Variants in C8orf34 observed in about 807,000 individuals in gnomAD.
C8orf34 encodes the protein chromosome 8 open reading frame 34, also known as uncharacterized protein C8orf34.
C8orf34 carries 65 observed loss-of-function variants against 68.3 expected under a neutral mutation model. That is an observed-to-expected ratio of 0.95 (90% CI 0.78 to 1.17). The LOEUF (loss-of-function observed/expected upper bound fraction) is 1.17. Among genes scored for constraint, C8orf34 ranks in the 50% most tolerant of loss-of-function variants. The probability of loss-of-function intolerance (pLI) is 0.00; values close to 1 mark genes in which losing one functional copy is unlikely to be tolerated. For synonymous variants in C8orf34, 244 were observed against 241.2 expected, an observed-to-expected ratio of 1.01 and a Z score of -0.11; for missense variants, 664 against 655.4, an observed-to-expected ratio of 1.01 and a Z score of -0.14.
At position 68,580,816 on chromosome 8, in the gene C8orf34, G is replaced by A. The variant is rs530562417; in HGVS notation, c.1105+47667G>A. On this transcript the variant is annotated intron_variant, in intron 7 of 13. Transcript: ENST00000518698. Reference sequence around the variant, plus strand: ...AGTGAAAAGATGCTGATTTTCTCATGATGGCAGTTCCCTATACCCTAGGAT... The same window carrying A: ...AGTGAAAAGATGCTGATTTTCTCATAATGGCAGTTCCCTATACCCTAGGAT... Among the ~76,000 whole-genome samples, 7 of 152,238 alleles carry A rather than the reference G, an allele frequency of 4.6e-5. No individual in the cohort carries two copies. The East Asian group carries it at 1.4e-3, about 29-fold the overall frequency.
rs145906961 is a variant in C8orf34 at position 68,471,824 on chromosome 8, T to C, written c.736+3004T>C. On this transcript the variant is annotated intron_variant, in intron 4 of 13. Transcript: ENST00000518698. ...AAAAAAATCCTACATGTTTTAGAAG[T>C]ATTATTTTTTTAGTTGAGATTGACA... 5.3e-4 allele frequency among the ~76,000 whole-genome samples: 81 copies of C among 152,150 alleles called. 2 individuals are homozygous for C. The East Asian group carries it at 0.015, about 29-fold the overall frequency.
At chr8:68,485,906 T>C (rs1047511442) in intron 4 of C8orf34, among the ~76,000 whole-genome samples, 14 of 151,990 alleles carry the variant, frequency 9.2e-5, no homozygotes, top group African/African-American at 3.4e-4. Context: ...CTAAGCTCTT[T>C]AAAATTTTAT....
intron 2 of C8orf34, 99 bp downstream of exon 2, chr8:68,439,745 T>A: frequency 1.6e-6 from 2 of 1,230,926 alleles, no homozygotes; most frequent in Non-Finnish European, 2.2e-6. Flanking sequence ...GATAGATAGT[T>A]ACCAAAGGTT....
intron 10 of C8orf34, among the ~76,000 whole-genome samples, chr8:68,747,044 G>C (rs1157131419): frequency 4.0e-5 from 6 of 150,154 alleles, no homozygotes; most frequent in African/African-American, 9.7e-5. Flanking sequence ...CCATGATCAA[G>C]TGGGCTTCAT....
intron 4 of C8orf34, among the ~76,000 whole-genome samples, chr8:68,469,537 T>C (rs1812290377): frequency 6.6e-6 from 1 of 152,080 alleles, no homozygotes; most frequent in Admixed American, 6.6e-5. Context: ...ATTATTTTGG[T>C]TTAATAAATT....
At chr8:68,394,384 C>T (rs1384384473) in intron 1 of C8orf34, among the ~76,000 whole-genome samples, 1 of 151,592 alleles carries the variant, frequency 6.6e-6, no homozygotes, top group East Asian at 2.0e-4. Context: ...TGATGATTTC[C>T]AATTTCATCC....
At chr8:68,444,612 C>A (rs1308567163) in intron 2 of C8orf34, among the ~76,000 whole-genome samples, 2 of 152,020 alleles carry the variant, frequency 1.3e-5, no homozygotes, top group Admixed American at 6.5e-5. Flanking sequence ...GGATTCTTTT[C>A]AAAATTTTAG....
At chr8:68,464,686 A>G (rs1240069036) in intron 3 of C8orf34, among the ~76,000 whole-genome samples, 3 of 151,628 alleles carry the variant, frequency 2.0e-5, no homozygotes, top group Admixed American at 2.0e-4. Flanking sequence ...CCTGAGAAAA[A>G]CAAGCAATGG....
chr8:68,367,931 A>AAAAAAAG (rs1235274193), intron 1 of C8orf34, among the ~76,000 whole-genome samples: 2 of 145,618 alleles, frequency 1.4e-5, no homozygotes, highest in Non-Finnish European at 3.0e-5. Flanking sequence ...AAAAAAAAAA[A>AAAAAAAG]AAAAAAGAAA....
At chr8:68,715,554 A>C (rs906249087) in intron 9 of C8orf34, among the ~76,000 whole-genome samples, 1 of 152,112 alleles carries the variant, frequency 6.6e-6, no homozygotes, top group East Asian at 1.9e-4. Flanking sequence ...AGGGAAATGC[A>C]AATAGAAACC....
At chr8:68,516,229 T>C (rs148818664) in intron 5 of C8orf34, among the ~76,000 whole-genome samples, 1 of 152,370 alleles carries the variant, frequency 6.6e-6, no homozygotes, top group African/African-American at 2.4e-5. Flanking sequence ...GACGTAGAGA[T>C]ACTTCGTAAT....
intron 10 of C8orf34, among the ~76,000 whole-genome samples, chr8:68,766,812 C>A (rs1378090280): frequency 6.6e-6 from 1 of 152,080 alleles, no homozygotes; most frequent in Non-Finnish European, 1.5e-5. Flanking sequence ...CAAGATTAAA[C>A]ACAAATAGTG....
chr8:68,575,931 G>A (rs571638565), intron 7 of C8orf34, among the ~76,000 whole-genome samples: 3 of 146,844 alleles, frequency 2.0e-5, no homozygotes, highest in African/African-American at 7.5e-5. Flanking sequence ...GGTATGATGA[G>A]CTGACATAAT....
chr8:68,440,231 G>A (rs1810843802), intron 2 of C8orf34, among the ~76,000 whole-genome samples: 1 of 152,148 alleles, frequency 6.6e-6, no homozygotes, highest in African/African-American at 2.4e-5. Context: ...TTACACATTG[G>A]TCTGTTAGTT....
chr8:68,519,848 T>C (rs1814676024), intron 5 of C8orf34, among the ~76,000 whole-genome samples: 1 of 152,196 alleles, frequency 6.6e-6, no homozygotes, highest in African/African-American at 2.4e-5. Context: ...ATTCAAGGAA[T>C]AAGTAACATT....
chr8:68,475,776 C>T (rs1812587690), intron 4 of C8orf34, among the ~76,000 whole-genome samples: 1 of 152,202 alleles, frequency 6.6e-6, no homozygotes, highest in Non-Finnish European at 1.5e-5. Flanking sequence ...GGCAGGGTTT[C>T]CAGTGTTCTC....
chr8:68,476,876 G>A (rs1812641665), intron 4 of C8orf34, among the ~76,000 whole-genome samples: 1 of 152,192 alleles, frequency 6.6e-6, no homozygotes, highest in South Asian at 2.1e-4. Flanking sequence ...CTTAAAGTCT[G>A]CAGTTGCTTA....
At chr8:68,525,822 G>A (rs1430308556) in intron 6 of C8orf34, 8 of 484,018 alleles carry the variant, frequency 1.7e-5, no homozygotes, top group Non-Finnish European at 2.7e-5. Flanking sequence ...CTGGAGCATG[G>A]CTTGATAAGA....
intron 1 of C8orf34, among the ~76,000 whole-genome samples, chr8:68,337,048 G>A (rs1004900875): frequency 1.3e-5 from 2 of 152,152 alleles, no homozygotes; most frequent in African/African-American, 4.8e-5. Context: ...AAAGTAGAAG[G>A]ATGATGGAAT....
Sources: gnomAD v4.1 joint callset for allele counts (sites outside exome capture counted in the v4.1 genomes callset) on GRCh38, gnomAD v4.1.1 for gene constraint, MANE v1.5 for transcripts, NCBI Gene and HGNC (gene_info 2026-07-23, HGNC 2026-07-21) for gene names.